The following RALGPS1 variants were observed in gnomAD, a reference collection of about 807,000 sequenced individuals.
RALGPS1 encodes ras-specific guanine nucleotide-releasing factor RalGPS1.
RALGPS1 carries 19 observed loss-of-function variants against 78.8 expected under a neutral mutation model. The ratio of observed to expected loss-of-function variants is 0.24; its 90% CI spans 0.17 to 0.35. The LOEUF (loss-of-function observed/expected upper bound fraction) is 0.35. RALGPS1 is among the 10% of genes least tolerant of loss of function. RALGPS1 has a pLI of 1.00. For synonymous variants in RALGPS1, 228 were observed against 256.3 expected, an observed-to-expected ratio of 0.89 and a Z score of 1.06; for missense variants, 454 against 688.3, an observed-to-expected ratio of 0.66 and a Z score of 3.81.
intron 4 of RALGPS1, among the ~76,000 whole-genome samples, chr9:127,006,069 TAATAGCCATCTATGAC>T (rs879255966): frequency 2.6e-5 from 4 of 152,168 alleles, no homozygotes; most frequent in Admixed American, 2.6e-4. Flanking sequence ...CTCAAAGTAA[TAATAGCCATCTATGAC>T]ACATCCACAG....
chr9:126,954,444 T>G (rs557789781), intron 1 of RALGPS1, among the ~76,000 whole-genome samples: 1 of 152,322 alleles, frequency 6.6e-6, no homozygotes, highest in South Asian at 2.1e-4. Context: ...GTAGCCGAAG[T>G]GATCTTCCAA....
intron 4 of RALGPS1, among the ~76,000 whole-genome samples, chr9:127,019,811 T>C (rs1049497687): frequency 6.6e-6 from 1 of 152,116 alleles, no homozygotes; most frequent in Non-Finnish European, 1.5e-5. Flanking sequence ...ACATGTGTCA[T>C]GGGGGGTTTG....
rs2131094802 is a variant in RALGPS1 at position 127,222,714 on chromosome 9, GTAAT to G, written c.*3952_*3955del. ...GTGACTATTCAGTAACGAAGTAATAGTAATTAATTAGTATGGTATAATCTTTAAT... is the reference window on the plus strand; with the variant it reads ...GTGACTATTCAGTAACGAAGTAATAGTAATTAGTATGGTATAATCTTTAAT... On this transcript the variant is annotated 3_prime_UTR_variant, in exon 19 of 19. Transcript: ENST00000259351. 1 of 152,728 alleles carries G rather than the reference GTAAT, an allele frequency of 6.5e-6. No homozygotes were observed. Among genetic ancestry groups the G allele is most frequent in the South Asian group, 2.1e-4 (1 of 4,826 alleles). 9.5% of individuals were successfully genotyped at this position (152,728 alleles called of 1,614,324 possible). A position where few individuals can be genotyped will look rare whatever the true frequency, so the allele number is the denominator to read the frequency against.
intron 8 of RALGPS1, among the ~76,000 whole-genome samples, chr9:127,105,944 A>G (rs550442377): frequency 6.6e-6 from 1 of 152,248 alleles, no homozygotes; most frequent in Admixed American, 6.5e-5. Flanking sequence ...TATTGTATCC[A>G]CAGCATAACA....
At chr9:126,935,826 C>T (rs1397440468) in intron 1 of RALGPS1, among the ~76,000 whole-genome samples, 1 of 152,220 alleles carries the variant, frequency 6.6e-6, no homozygotes, top group Non-Finnish European at 1.5e-5. Context: ...GGACTGGACT[C>T]AAGGTCCGTC....
chr9:126,943,652 G>A (rs532228933), intron 1 of RALGPS1, among the ~76,000 whole-genome samples: 2 of 152,254 alleles, frequency 1.3e-5, no homozygotes, highest in South Asian at 4.1e-4. Flanking sequence ...CTTAGAAACT[G>A]GGTGCAGGTT....
rs1229964923 is a variant in RALGPS1 at position 126,960,197 on chromosome 9, T to TTCCC, written c.-65-2006_-65-2003dup. 1.7e-3 allele frequency among the ~76,000 whole-genome samples: 71 copies of TTCCC among 42,142 alleles called. 1 individual carries two copies. The highest frequency in any genetic ancestry group is 3.0e-3 in the South Asian group (3 of 1,008). The allele number at this position is 42,142 out of a possible 152,430, so 27.6% of individuals were successfully genotyped here. ...CTCCCTCCCTCCCTCCCTCCCTTCC[T>TTCCC]TCCCTCCCTCCCTCCCTCCCTCCCT... On this transcript the variant is annotated intron_variant, in intron 1 of 18. Coordinates refer to ENST00000259351, the MANE Select transcript of RALGPS1 (RefSeq NM_014636.3).
intron 8 of RALGPS1, among the ~76,000 whole-genome samples, chr9:127,147,442 T>C (rs1309640573): frequency 1.3e-5 from 2 of 152,232 alleles, no homozygotes; most frequent in Non-Finnish European, 2.9e-5. Flanking sequence ...TAGCCAAAAA[T>C]TCTTTGCCAA....
chr9:127,092,868 G>C (rs1017661676), intron 8 of RALGPS1, among the ~76,000 whole-genome samples: 3 of 152,136 alleles, frequency 2.0e-5, no homozygotes, highest in Non-Finnish European at 2.9e-5. Flanking sequence ...GGAGACTCAA[G>C]AAGGGGCATG....
rs985229115 is a variant in RALGPS1, at chr9:127,212,870, T to C, written c.1447-74T>C. 3 of 1,604,258 alleles carry C rather than the reference T, an allele frequency of 1.9e-6. No homozygotes were observed. Among genetic ancestry groups the C allele is most frequent in the Admixed American group, 1.7e-5 (1 of 58,960 alleles). ...GGCAGGGGAGGGAGGAAGCCTTGCCTGGCCCACGTCGGCCTCCCTTGTGGA... is the reference window on the plus strand; with the variant it reads ...GGCAGGGGAGGGAGGAAGCCTTGCCCGGCCCACGTCGGCCTCCCTTGTGGA... On this transcript the variant is annotated intron_variant, in intron 16 of 18. Coordinates refer to ENST00000259351, the MANE Select transcript of RALGPS1 (RefSeq NM_014636.3). The surrounding 1 kb of genome is among the most constrained non-coding windows in gnomAD (Gnocchi z 6.0).
intron 7 of RALGPS1, among the ~76,000 whole-genome samples, chr9:127,058,832 C>A (rs1427628057): frequency 1.3e-5 from 2 of 152,200 alleles, no homozygotes; most frequent in African/African-American, 4.8e-5. Flanking sequence ...TCTCTTCTTG[C>A]TCTGTGCATG....
intron 1 of RALGPS1, among the ~76,000 whole-genome samples, chr9:126,946,495 C>T (rs569042620): frequency 5.1e-5 from 7 of 138,602 alleles, no homozygotes; most frequent in Non-Finnish European, 9.1e-5. Flanking sequence ...GGTTGCGCCA[C>T]TGCACTCCAG....
At chr9:126,945,787 C>A (rs1006093730) in intron 1 of RALGPS1, among the ~76,000 whole-genome samples, 2 of 152,192 alleles carry the variant, frequency 1.3e-5, no homozygotes, top group African/African-American at 2.4e-5. Context: ...GGACTGAATT[C>A]TTTCTGCAGT....
chr9:127,087,384 A>G (rs2051881926), intron 8 of RALGPS1: 1 of 152,638 alleles, frequency 6.6e-6, no homozygotes, highest in Admixed American at 6.5e-5. Flanking sequence ...TCGTGTCATT[A>G]CAAGGATAAT....
At chr9:127,166,389 G>T (rs968191897) in intron 9 of RALGPS1, among the ~76,000 whole-genome samples, 183 bp downstream of exon 9, 1 of 152,160 alleles carries the variant, frequency 6.6e-6, no homozygotes, top group African/African-American at 2.4e-5. Flanking sequence ...TGCAAACTAG[G>T]TGTTACTATT....
chr9:127,199,799 G>A (rs183921469), intron 14 of RALGPS1, among the ~76,000 whole-genome samples: 3 of 152,336 alleles, frequency 2.0e-5, no homozygotes, highest in Admixed American at 6.5e-5. Flanking sequence ...GAAGGGCATC[G>A]TGGCGACTCA....
At chr9:127,121,751 CCCGTGCTGGGTG>C (rs2137744641) in intron 8 of RALGPS1, among the ~76,000 whole-genome samples, 1 of 152,340 alleles carries the variant, frequency 6.6e-6, no homozygotes, top group East Asian at 1.9e-4. Flanking sequence ...TGCGTCCGTT[CCCGTGCTGGGTG>C]CCTCTGCTCT....
intron 8 of RALGPS1, among the ~76,000 whole-genome samples, chr9:127,098,987 T>A (rs923475931): frequency 4.6e-5 from 7 of 152,198 alleles, no homozygotes; most frequent in Non-Finnish European, 1.0e-4. Flanking sequence ...TCCGTGAATA[T>A]CTGACCTTGA....
intron 13 of RALGPS1, 106 bp downstream of exon 13, chr9:127,196,737 C>A: frequency 7.4e-7 from 1 of 1,354,540 alleles, no homozygotes; most frequent in Non-Finnish European, 9.9e-7. Context: ...CGCTATCATT[C>A]TTGGGGACCC....
Sources: gnomAD v4.1 joint callset for allele counts (sites outside exome capture counted in the v4.1 genomes callset) on GRCh38, gnomAD v4.1.1 for gene constraint, Gnocchi (gnomAD v3.1) non-coding constraint, MANE v1.5 for transcripts, NCBI Gene and HGNC (gene_info 2026-07-23, HGNC 2026-07-21) for gene names.